The following SULT4A1 variants were observed in gnomAD, a reference collection of about 807,000 sequenced individuals.
SULT4A1 encodes sulfotransferase family 4A member 1.
A neutral mutation model predicts 35.2 loss-of-function variants in SULT4A1; 11 were observed. That is an observed-to-expected ratio of 0.31 (90% CI 0.20 to 0.52). The LOEUF (loss-of-function observed/expected upper bound fraction) is 0.52, where lower values mean the gene tolerates loss of function less well. Among genes scored for constraint, SULT4A1 ranks in the 20% least tolerant of loss-of-function variants. The pLI, the probability that SULT4A1 is intolerant of heterozygous loss-of-function variation, is 0.97. For synonymous variants in SULT4A1, 152 were observed against 151.8 expected (o/e 1.00, Z -0.01); for missense variants, 271 against 383.7 (o/e 0.71, Z 2.45).
At chr22:43,848,221 C>A (rs1482755078) in intron 1 of SULT4A1, among the ~76,000 whole-genome samples, 1 of 152,226 alleles carries the variant, frequency 6.6e-6, no homozygotes, top group Non-Finnish European at 1.5e-5. Context: ...CTCCCTTCTT[C>A]ACAGAGCTGC....
In SULT4A1 at chr22:43,847,212, C is replaced by T. The variant is rs140295230; in HGVS notation, c.170-5280G>A. 5.5e-3 allele frequency among the ~76,000 whole-genome samples: 844 copies of T among 152,256 alleles called. 7 individuals carry two copies. The highest frequency in any genetic ancestry group is 0.019 in the African/African-American group (786 of 41,548). On this transcript the variant is annotated intron_variant, in intron 1 of 6. Coordinates refer to ENST00000330884, the MANE Select transcript of SULT4A1 (RefSeq NM_014351.4). ...GAGGGAGGGGCACCGAGAACACACA[C>T]CACGAAACACGCAGGGAACAGGCCC...
chr22:43,853,023 GAC>G (rs1453990736), intron 1 of SULT4A1, among the ~76,000 whole-genome samples: 17 of 151,846 alleles, frequency 1.1e-4, no homozygotes, highest in Admixed American at 1.1e-3. Context: ...ACACCCATCA[GAC>G]ACACAGACAC....
intron 5 of SULT4A1, among the ~76,000 whole-genome samples, chr22:43,829,576 C>T (rs1417399082): frequency 1.3e-5 from 2 of 152,240 alleles, no homozygotes; most frequent in Non-Finnish European, 2.9e-5. Flanking sequence ...TGTCAGCTGG[C>T]GTCTGGGCTG....
intron 1 of SULT4A1, among the ~76,000 whole-genome samples, chr22:43,856,925 T>C (rs1302588206): frequency 6.6e-6 from 1 of 151,852 alleles, no homozygotes; most frequent in Non-Finnish European, 1.5e-5. Context: ...AAGGTACTAT[T>C]CACAAAAAAG....
chr22:43,827,403 T>G, intron 6 of SULT4A1: 7 of 1,177,070 alleles, frequency 5.9e-6, no homozygotes, highest in Non-Finnish European at 7.5e-6. Flanking sequence ...TTGTAACCCT[T>G]TAATGATACC....
At chr22:43,862,150 G>T (rs1427974060) in intron 1 of SULT4A1, 64 bp downstream of exon 1, 1 of 1,284,956 alleles carries the variant, frequency 7.8e-7, no homozygotes, top group East Asian at 3.4e-5. Flanking sequence ...CGGGCGCGGC[G>T]TCTACGCGGC....
intron 6 of SULT4A1, chr22:43,827,684 G>C: frequency 1.5e-6 from 2 of 1,357,222 alleles, no homozygotes; most frequent in Non-Finnish European, 2.0e-6. Flanking sequence ...GCAAAACCAA[G>C]GTAAACCATG....
intron 1 of SULT4A1, among the ~76,000 whole-genome samples, chr22:43,853,134 TCA>T (rs1266056804): frequency 6.6e-6 from 1 of 150,870 alleles, no homozygotes; most frequent in African/African-American, 2.4e-5. Context: ...CCACGTGCAC[TCA>T]CACTCACTCC....
intron 1 of SULT4A1, among the ~76,000 whole-genome samples, chr22:43,854,105 A>C (rs1351769747): frequency 6.6e-6 from 1 of 152,174 alleles, no homozygotes; most frequent in Non-Finnish European, 1.5e-5. Flanking sequence ...CACTCTCATG[A>C]CATCAGTAGT....
chr22:43,857,324 C>T (rs1007022134), intron 1 of SULT4A1, among the ~76,000 whole-genome samples: 25 of 137,022 alleles, frequency 1.8e-4, no homozygotes, highest in Admixed American at 8.1e-5. Flanking sequence ...ACTGCTTAAG[C>T]CCAGGAATTC....
Position 43,862,098 on chromosome 22 carries a change from G to A in SULT4A1, c.169+116C>T, listed in dbSNP as rs1332818009. 5.6e-6 allele frequency: 4 copies of A among 709,534 alleles called. No homozygotes were observed. In the East Asian group the frequency reaches 1.7e-4, roughly 30 times the overall value. The allele number at this position is 709,534 out of a possible 1,614,324, so 44.0% of individuals were successfully genotyped here. ...GAGAGCGGTGGGCACGGCAGGGGCG[G>A]AGGCCAAGGGCGACCACCCGGCCCA... On this transcript the variant is annotated intron_variant, in intron 1 of 6. Coordinates refer to ENST00000330884, the MANE Select transcript of SULT4A1 (RefSeq NM_014351.4).
At position 43,826,317 on chromosome 22, in the gene SULT4A1, A is replaced by G. The variant is rs373538578; in HGVS notation, c.743-204T>C. ...GTGAAACTACTGGATGCGGCAGAAC[A>G]TGACCTGAACCAGCTTCCCTCTGAG... On this transcript the variant is annotated intron_variant, in intron 6 of 6. Transcript: ENST00000330884. 6.1e-6 allele frequency: 6 copies of G among 985,282 alleles called. No homozygotes were observed. The African/African-American group carries it at 8.7e-5, about 14-fold the overall frequency. 61.0% of individuals were successfully genotyped at this position (985,282 alleles called of 1,614,324 possible).
chr22:43,854,404 G>T (rs2049378520), intron 1 of SULT4A1, among the ~76,000 whole-genome samples: 1 of 152,216 alleles, frequency 6.6e-6, no homozygotes, highest in African/African-American at 2.4e-5. Flanking sequence ...CCGAAGCAGG[G>T]ATCTAGTCAA....
intron 1 of SULT4A1, among the ~76,000 whole-genome samples, chr22:43,858,577 A>T (rs935035088): frequency 6.6e-6 from 1 of 152,200 alleles, no homozygotes. Context: ...GCATTCCCTC[A>T]TAGGACGCAG....
rs1303613826 is a variant in SULT4A1 at position 43,862,424 on chromosome 22, AGCCCGCACGCGCCCGC to A, written c.-58_-43del. The A allele has an allele frequency of 6.1e-6, 6 of 989,716 alleles. No homozygotes were observed. The highest frequency in any genetic ancestry group is 7.1e-6 in the Non-Finnish European group (6 of 840,132). The allele number at this position is 989,716 out of a possible 1,614,324, so 61.3% of individuals were successfully genotyped here. On this transcript the variant is annotated 5_prime_UTR_variant, in exon 1 of 7. Transcript: ENST00000330884. The stretch of plus-strand genomic sequence containing the variant: ...TCGCCGCCGCCGCCTCCCGGCTCGC[AGCCCGCACGCGCCCGC>A]GCCCGCGCCCGCGCCCGCGCCCCGC...
At chr22:43,844,479 T>C (rs2063459343) in intron 1 of SULT4A1, among the ~76,000 whole-genome samples, 2 of 152,316 alleles carry the variant, frequency 1.3e-5, no homozygotes, top group African/African-American at 4.8e-5. Context: ...GCCTCCTGCC[T>C]GGGTCTGGGA....
At chr22:43,840,662 C>T (rs1230297367) in intron 2 of SULT4A1, among the ~76,000 whole-genome samples, 6 of 152,196 alleles carry the variant, frequency 3.9e-5, no homozygotes, top group Admixed American at 2.6e-4. Flanking sequence ...TGGCCTGATG[C>T]GCTCACTGCT....
intron 5 of SULT4A1, 77 bp downstream of exon 5, chr22:43,833,563 G>C (rs926321638): frequency 5.0e-6 from 6 of 1,207,678 alleles, no homozygotes; most frequent in Non-Finnish European, 5.8e-6. Context: ...CACGCCCACT[G>C]TAAAGGGCTC....
At chr22:43,855,734 C>T (rs373320608) in intron 1 of SULT4A1, among the ~76,000 whole-genome samples, 126 of 152,178 alleles carry the variant, frequency 8.3e-4, no homozygotes, top group African/African-American at 2.9e-3. Flanking sequence ...ATCTAGTGGT[C>T]GGAGATCAGG....
Sources: gnomAD v4.1 joint callset for allele counts (sites outside exome capture counted in the v4.1 genomes callset) on GRCh38, gnomAD v4.1.1 for gene constraint, MANE v1.5 for transcripts, NCBI Gene and HGNC (gene_info 2026-07-23, HGNC 2026-07-21) for gene names.